FRS2: variants seen among roughly 807,000 people sequenced by gnomAD.
FRS2 encodes the protein FGFR signalling adaptor.
In FRS2, 8 loss-of-function variants were observed where a neutral mutation model predicts 43.9. The observed-to-expected ratio is 0.18, with a 90% CI of 0.11 to 0.33. The LOEUF (loss-of-function observed/expected upper bound fraction) is 0.33, where lower values mean the gene tolerates loss of function less well. FRS2 is among the 10% of genes least tolerant of loss of function. FRS2 has a pLI of 1.00. For synonymous variants in FRS2, 219 were observed against 220.3 expected (o/e 0.99, Z 0.05); for missense variants, 534 against 627.6 (o/e 0.85, Z 1.59).
At chr12:69,524,049 C>G (rs566855636) in intron 1 of FRS2, among the ~76,000 whole-genome samples, 1 of 152,326 alleles carries the variant, frequency 6.6e-6, no homozygotes, top group South Asian at 2.1e-4. Context: ...CAGGCATTTG[C>G]AGCAGCTGGG....
At chr12:69,489,772 T>A (rs937962708) in intron 1 of FRS2, among the ~76,000 whole-genome samples, 1 of 151,932 alleles carries the variant, frequency 6.6e-6, no homozygotes, top group African/African-American at 2.4e-5. Context: ...GAGGTGTTTT[T>A]TATATCCTGT....
At chr12:69,533,967 T>C (rs957569820) in intron 3 of FRS2, among the ~76,000 whole-genome samples, 1 of 152,176 alleles carries the variant, frequency 6.6e-6, no homozygotes, top group African/African-American at 2.4e-5. Flanking sequence ...TCTTCAGATA[T>C]GTAATAGTAA....
intron 1 of FRS2, among the ~76,000 whole-genome samples, chr12:69,475,240 G>C (rs949339524): frequency 2.6e-5 from 4 of 152,172 alleles, no homozygotes; most frequent in Non-Finnish European, 5.9e-5. Flanking sequence ...AGTTACCATG[G>C]AAGTGTTTAT....
At chr12:69,497,806 G>T (rs559990339) in intron 1 of FRS2, among the ~76,000 whole-genome samples, 1 of 152,308 alleles carries the variant, frequency 6.6e-6, no homozygotes, top group Non-Finnish European at 1.5e-5. Context: ...GAGAGCAAGG[G>T]GCCTGGCCAT....
intron 1 of FRS2, among the ~76,000 whole-genome samples, chr12:69,522,597 G>A (rs1160285190): frequency 6.6e-6 from 1 of 152,000 alleles, no homozygotes; most frequent in African/African-American, 2.4e-5. Context: ...GTCTACTTTG[G>A]TTCAGCTCTG....
chr12:69,511,744 T>C (rs910807608), intron 1 of FRS2, among the ~76,000 whole-genome samples: 13 of 152,268 alleles, frequency 8.5e-5, no homozygotes, highest in South Asian at 8.3e-4. Context: ...TTATTGAAAA[T>C]TCTGTAAATC....
Position 69,576,322 on chromosome 12 carries a change from A to G in FRS2, c.*1367A>G, listed in dbSNP as rs1388455501. On this transcript the variant is annotated 3_prime_UTR_variant, in exon 9 of 9. Transcript: ENST00000549921. ...TAATATTGTTGCCAGCATAGCAGGT[A>G]CAGTGGAAGTCTTGTAGCAGTGAGA... The G allele has an allele frequency of 6.6e-6, 1 of 152,220 alleles. No homozygotes were observed. Among genetic ancestry groups the G allele is most frequent in the Non-Finnish European group, 1.5e-5 (1 of 68,036 alleles). The allele number at this position is 152,220 out of a possible 1,614,324, so 9.4% of individuals were successfully genotyped here.
chr12:69,470,531 G>A lies in FRS2; in HGVS notation c.-261+1G>A. On this transcript the variant is annotated splice_donor_variant, in intron 1 of 8. Transcript: ENST00000549921. LOFTEE classifies it low-confidence loss of function (5UTR_SPLICE). ...CTCCCTCTCAGCACCTGGGCGGACGGTGAGTGGCTAGGGAAACGGACTGGG... is the reference window on the plus strand; with the variant it reads ...CTCCCTCTCAGCACCTGGGCGGACGATGAGTGGCTAGGGAAACGGACTGGG... 2.5e-6 allele frequency: 1 copy of A among 398,592 alleles called. No individual in the cohort carries two copies. 24.7% of individuals were successfully genotyped at this position (398,592 alleles called of 1,614,324 possible).
intron 1 of FRS2, among the ~76,000 whole-genome samples, chr12:69,472,135 G>T (rs1055655104): frequency 1.3e-5 from 2 of 151,996 alleles, no homozygotes; most frequent in African/African-American, 4.8e-5. Flanking sequence ...TGCCCAGGCT[G>T]CAGCACAGTG....
intron 1 of FRS2, among the ~76,000 whole-genome samples, chr12:69,520,801 C>G (rs1875559846): frequency 6.6e-6 from 1 of 152,032 alleles, no homozygotes. Flanking sequence ...CAGTACCATG[C>G]TGTTTGAGTT....
chr12:69,557,915 G>GT (rs999876576), intron 3 of FRS2: 18 of 151,918 alleles, frequency 1.2e-4, no homozygotes, highest in African/African-American at 4.1e-4. Flanking sequence ...TAAAAAGCTA[G>GT]TTTTTTAGCA....
At chr12:69,573,087 C>T (rs1880897925) in intron 8 of FRS2, among the ~76,000 whole-genome samples, 1 of 152,206 alleles carries the variant, frequency 6.6e-6, no homozygotes, top group African/African-American at 2.4e-5. Context: ...CCTGCCCCGG[C>T]CTCCCAAAGT....
chr12:69,547,506 T>C (rs1360018287), intron 3 of FRS2, among the ~76,000 whole-genome samples: 1 of 152,188 alleles, frequency 6.6e-6, no homozygotes, highest in Non-Finnish European at 1.5e-5. Context: ...ATAGTTAAGA[T>C]GGTAAATTTT....
rs564957698 is a variant in FRS2 at position 69,493,017 on chromosome 12, T to G, written c.-261+22487T>G. Among the ~76,000 whole-genome samples, 13 of 152,330 alleles carry G rather than the reference T, an allele frequency of 8.5e-5. No individual in the cohort carries two copies. The South Asian group carries it at 2.5e-3, about 29-fold the overall frequency. ...TTTTGAGAGGAATAGTGTTGGCAAA[T>G]TAAGTTTTGAAACTAAAGACATATT... On this transcript the variant is annotated intron_variant, in intron 1 of 8. Coordinates refer to ENST00000549921, the MANE Select transcript of FRS2 (RefSeq NM_001278356.2).
chr12:69,573,636 T>A (rs1026887450), intron 8 of FRS2, among the ~76,000 whole-genome samples: 1 of 152,126 alleles, frequency 6.6e-6, no homozygotes, highest in Non-Finnish European at 1.5e-5. Flanking sequence ...CTAATTTTTG[T>A]ATTTTTAGTA....
intron 1 of FRS2, among the ~76,000 whole-genome samples, chr12:69,522,190 T>TGTGTGTG (rs1211781925): frequency 1.5e-5 from 2 of 134,714 alleles, no homozygotes; most frequent in African/African-American, 5.7e-5. Context: ...GAAGTTTTCT[T>TGTGTGTG]TGTGTGTGTG....
chr12:69,519,406 G>A (rs975421692), intron 1 of FRS2, among the ~76,000 whole-genome samples: 1 of 152,140 alleles, frequency 6.6e-6, no homozygotes, highest in African/African-American at 2.4e-5. Context: ...ACTCACTCTG[G>A]AAGTTTCATT....
At chr12:69,529,024 A>C (rs925699131) in intron 1 of FRS2, among the ~76,000 whole-genome samples, 2 of 152,190 alleles carry the variant, frequency 1.3e-5, no homozygotes, top group African/African-American at 4.8e-5. Flanking sequence ...GGGGGATAGC[A>C]GATCATGGTC....
In FRS2 at chr12:69,513,713, A is replaced by T. The variant is rs146524935; in HGVS notation, c.-260-17152A>T. On this transcript the variant is annotated intron_variant, in intron 1 of 8. Coordinates refer to ENST00000549921, the MANE Select transcript of FRS2 (RefSeq NM_001278356.2). Reference sequence around the variant, plus strand: ...TCTGATAATAATTAAAAATTTTTTGACCTAAAAATGACCCTTGGGGGTGGG... The same window carrying T: ...TCTGATAATAATTAAAAATTTTTTGTCCTAAAAATGACCCTTGGGGGTGGG... 1.9e-3 allele frequency among the ~76,000 whole-genome samples: 284 copies of T among 152,212 alleles called. 3 individuals are homozygous for T. The highest frequency in any genetic ancestry group is 6.5e-3 in the African/African-American group (271 of 41,538).
Sources: gnomAD v4.1 joint callset for allele counts (sites outside exome capture counted in the v4.1 genomes callset) on GRCh38, gnomAD v4.1.1 for gene constraint, MANE v1.5 for transcripts, NCBI Gene and HGNC (gene_info 2026-07-23, HGNC 2026-07-21) for gene names.